NUBPL: variants seen among roughly 807,000 people sequenced by gnomAD.
The protein encoded by NUBPL is NUBP iron-sulfur cluster assembly factor, mitochondrial, also known as iron-sulfur cluster transfer protein NUBPL.
A neutral mutation model predicts 45.7 loss-of-function variants in NUBPL; 31 were observed. That is an observed-to-expected ratio of 0.68 (90% confidence interval 0.51 to 0.92). The LOEUF (loss-of-function observed/expected upper bound fraction) is 0.92, where lower values mean the gene tolerates loss of function less well. Among genes scored for constraint, NUBPL ranks in the 40% least tolerant of loss-of-function variants. The probability of loss-of-function intolerance (pLI) is 0.00; values close to 1 mark genes in which losing one functional copy is unlikely to be tolerated. For missense variants in NUBPL, 401 were observed against 398.7 expected (o/e 1.01, Z -0.05); for synonymous variants, 144 against 140.9 (o/e 1.02, Z -0.15).
intron 6 of NUBPL, chr14:31,771,934 A>T: frequency 1.1e-6 from 1 of 931,598 alleles, no homozygotes; most frequent in African/African-American, 1.8e-5. Context: ...CCTAGCATGC[A>T]GTATGCTAGT....
intron 6 of NUBPL, among the ~76,000 whole-genome samples, chr14:31,785,823 G>T (rs1443847515): frequency 6.6e-6 from 1 of 151,986 alleles, no homozygotes; most frequent in Non-Finnish European, 1.5e-5. Flanking sequence ...ACATATGAAT[G>T]AATCTGTTTG....
At chr14:31,618,293 T>C (rs2034965296) in intron 4 of NUBPL, among the ~76,000 whole-genome samples, 1 of 152,206 alleles carries the variant, frequency 6.6e-6, no homozygotes, top group East Asian at 1.9e-4. Context: ...GCTCTGATCT[T>C]AGTTATTTGT....
intron 10 of NUBPL, among the ~76,000 whole-genome samples, chr14:31,851,123 C>T (rs2040531673): frequency 6.6e-6 from 1 of 151,884 alleles, no homozygotes; most frequent in South Asian, 2.1e-4. Context: ...CATATTTTTT[C>T]TTTCCTAAAT....
chr14:31,576,504 T>G (rs939631059), intron 3 of NUBPL, among the ~76,000 whole-genome samples: 2 of 152,148 alleles, frequency 1.3e-5, no homozygotes, highest in African/African-American at 4.8e-5. Context: ...TAAGTCGTCT[T>G]CCTCCTTTAG....
At chr14:31,676,582 G>T (rs1200263385) in intron 6 of NUBPL, among the ~76,000 whole-genome samples, 1 of 151,678 alleles carries the variant, frequency 6.6e-6, no homozygotes, top group Non-Finnish European at 1.5e-5. Flanking sequence ...TTAACATTTG[G>T]TGTTGTCAGT....
chr14:31,734,304 A>G (rs904116515), intron 6 of NUBPL, among the ~76,000 whole-genome samples: 38 of 152,252 alleles, frequency 2.5e-4, no homozygotes, highest in African/African-American at 6.5e-4. Flanking sequence ...CTTGTCCTTC[A>G]TTCACCCCAA....
intron 6 of NUBPL, among the ~76,000 whole-genome samples, chr14:31,752,193 G>T (rs2038547101): frequency 6.6e-6 from 1 of 152,176 alleles, no homozygotes; most frequent in African/African-American, 2.4e-5. Context: ...TCTGCAGCCT[G>T]CTTGAATTTT....
chr14:31,756,340 T>A (rs1023306540), intron 6 of NUBPL, among the ~76,000 whole-genome samples: 1 of 152,080 alleles, frequency 6.6e-6, no homozygotes, highest in Non-Finnish European at 1.5e-5. Context: ...GAGCATGGAA[T>A]GTTCTTCCAT....
rs545264304 is a variant in NUBPL at position 31,680,679 on chromosome 14, A to G, written c.513+7105A>G. On this transcript the variant is annotated intron_variant, in intron 6 of 10. Transcript: ENST00000281081. ...CCATGAAGGCTCAAGTCTCTTACAT[A>G]AAGTGGTGAATGTGGTATTCGCATA... 1.1e-4 allele frequency among the ~76,000 whole-genome samples: 16 copies of G among 152,146 alleles called. No individual in the cohort carries two copies. In the East Asian group the frequency reaches 2.1e-3, roughly 20 times the overall value.
intron 4 of NUBPL, among the ~76,000 whole-genome samples, chr14:31,669,689 C>A (rs2139800074): frequency 6.6e-6 from 1 of 151,934 alleles, no homozygotes; most frequent in African/African-American, 2.4e-5. Context: ...CATTTAGTTC[C>A]CACTTGTAAG....
At chr14:31,630,080 A>G (rs1000122562) in intron 4 of NUBPL, among the ~76,000 whole-genome samples, 1 of 152,242 alleles carries the variant, frequency 6.6e-6, no homozygotes, top group Admixed American at 6.5e-5. Context: ...ATTACAAATA[A>G]TGAACAGCAA....
intron 4 of NUBPL, among the ~76,000 whole-genome samples, chr14:31,622,053 T>C (rs1304067637): frequency 6.6e-6 from 1 of 152,120 alleles, no homozygotes; most frequent in Non-Finnish European, 1.5e-5. Flanking sequence ...TGGTCTTAGA[T>C]GGAGATGAGG....
At chr14:31,696,705 G>A (rs1264198346) in intron 6 of NUBPL, among the ~76,000 whole-genome samples, 3 of 152,194 alleles carry the variant, frequency 2.0e-5, no homozygotes, top group African/African-American at 7.2e-5. Context: ...CCTAAAGAGA[G>A]AGGTAGACCT....
chr14:31,714,792 C>G (rs1001669437), intron 6 of NUBPL: 5 of 152,134 alleles, frequency 3.3e-5, no homozygotes, highest in African/African-American at 1.2e-4. Context: ...TACTTTCAGA[C>G]TTTTTAAAAA....
chr14:31,613,581 C>A (rs1174212026), intron 4 of NUBPL, among the ~76,000 whole-genome samples: 1 of 151,988 alleles, frequency 6.6e-6, no homozygotes, highest in Non-Finnish European at 1.5e-5. Flanking sequence ...TTTCAGCCTC[C>A]TAAGTAGCCG....
intron 6 of NUBPL, among the ~76,000 whole-genome samples, chr14:31,752,224 C>A (rs12886794): frequency 6.6e-6 from 1 of 152,158 alleles, no homozygotes. Flanking sequence ...ATGGGTTTTT[C>A]TTTTCTGTCA....
At chr14:31,581,701 G>C (rs556947140) in intron 3 of NUBPL, among the ~76,000 whole-genome samples, 1 of 152,188 alleles carries the variant, frequency 6.6e-6, no homozygotes. Flanking sequence ...AATGTAAAAC[G>C]CGTGATAGAC....
chr14:31,787,904 CT>C, intron 7 of NUBPL, 31 bp downstream of exon 7: 3 of 1,482,836 alleles, frequency 2.0e-6, no homozygotes, highest in Non-Finnish European at 1.9e-6. Context: ...GTAATTTGTA[CT>C]TTTTTTGATG....
chr14:31,599,706 ATTAT>A (rs1482480482), intron 4 of NUBPL, among the ~76,000 whole-genome samples: 1 of 152,122 alleles, frequency 6.6e-6, no homozygotes, highest in African/African-American at 2.4e-5. Flanking sequence ...AAACAATATA[ATTAT>A]TTACACAATT....
Sources: allele counts gnomAD v4.1 joint callset (sites outside exome capture counted in the v4.1 genomes callset), GRCh38; gene constraint gnomAD v4.1.1; transcripts MANE v1.5; gene names NCBI Gene and HGNC (gene_info 2026-07-23, HGNC 2026-07-21).